Variants in DLGAP1 observed in about 807,000 individuals in gnomAD.
The protein encoded by DLGAP1 is DLG associated protein 1, also known as disks large-associated protein 1.
A neutral mutation model predicts 90.8 loss-of-function variants in DLGAP1; 11 were observed. The observed-to-expected ratio is 0.12, with a 90% confidence interval of 0.08 to 0.20. The LOEUF is 0.20. Ranked by LOEUF, DLGAP1 falls within the 10% of genes least tolerant of loss-of-function variation. The probability of loss-of-function intolerance (pLI) is 1.00; values close to 1 mark genes in which losing one functional copy is unlikely to be tolerated. For missense variants in DLGAP1, 1,050 were observed against 1,333.8 expected, an observed-to-expected ratio of 0.79 and a Z score of 3.31; for synonymous variants, 558 against 540.7, an observed-to-expected ratio of 1.03 and a Z score of -0.44.
chr18:3,716,345 G>A (rs2061759384), intron 7 of DLGAP1, among the ~76,000 whole-genome samples: 1 of 152,068 alleles, frequency 6.6e-6, no homozygotes, highest in Non-Finnish European at 1.5e-5. Context: ...GACCAGCCTG[G>A]GCAATATAGT....
At chr18:3,945,071 T>C (rs1401364430) in intron 3 of DLGAP1, among the ~76,000 whole-genome samples, 1 of 152,236 alleles carries the variant, frequency 6.6e-6, no homozygotes, top group African/African-American at 2.4e-5. Flanking sequence ...AGCCAGGTTC[T>C]GGGGCCAGAT....
At position 3,833,240 on chromosome 18, in the gene DLGAP1, C is replaced by CCTTCCTT. The variant is rs1568210956; in HGVS notation, c.958-18968_958-18967insAAGGAAG. ...TTCCTTCCTTCCTTCCTTCCTTCCTCCTTGTTTTTTTTTGACAGGGTCTCA... is the reference window on the plus strand; with the variant it reads ...TTCCTTCCTTCCTTCCTTCCTTCCTCCTTCCTTCTTGTTTTTTTTTGACAGGGTCTCA... On this transcript the variant is annotated intron_variant, in intron 4 of 12. Transcript: ENST00000315677. 2.5e-4 allele frequency among the ~76,000 whole-genome samples: 33 copies of CCTTCCTT among 130,104 alleles called. 3 individuals carry two copies. The highest frequency in any genetic ancestry group is 4.0e-4 in the Non-Finnish European group (25 of 62,218). The allele number at this position is 130,104 out of a possible 152,430, so 85.4% of individuals were successfully genotyped here.
At chr18:4,239,045 C>T (rs1453925567) in intron 1 of DLGAP1, among the ~76,000 whole-genome samples, 2 of 152,154 alleles carry the variant, frequency 1.3e-5, no homozygotes, top group Admixed American at 6.5e-5. Flanking sequence ...TCAAAGTGGG[C>T]CACTATGTGA....
intron 4 of DLGAP1, among the ~76,000 whole-genome samples, chr18:3,815,341 G>C (rs1342877057): frequency 6.6e-6 from 1 of 152,126 alleles, no homozygotes; most frequent in Non-Finnish European, 1.5e-5. Context: ...CTCTCTAAAG[G>C]TTTCCAATGA....
intron 10 of DLGAP1, among the ~76,000 whole-genome samples, chr18:3,518,123 G>A (rs1257273817): frequency 6.6e-6 from 1 of 152,076 alleles, no homozygotes; most frequent in African/African-American, 2.4e-5. Flanking sequence ...GATTAAAAGT[G>A]ACAGATTGTA....
At chr18:4,395,707 T>C (rs1227651402) in intron 1 of DLGAP1, among the ~76,000 whole-genome samples, 1 of 152,252 alleles carries the variant, frequency 6.6e-6, no homozygotes, top group Non-Finnish European at 1.5e-5. Flanking sequence ...CAAGCGTTTA[T>C]AACAGAATCT....
chr18:3,996,165 C>CT (rs1383626858), intron 3 of DLGAP1, among the ~76,000 whole-genome samples: 1 of 152,014 alleles, frequency 6.6e-6, no homozygotes, highest in Non-Finnish European at 1.5e-5. Flanking sequence ...TTTTACATAT[C>CT]TAAGTGGCTT....
intron 1 of DLGAP1, among the ~76,000 whole-genome samples, chr18:4,182,554 A>G (rs1041086824): frequency 6.6e-6 from 1 of 152,052 alleles, no homozygotes; most frequent in African/African-American, 2.4e-5. Context: ...AAGATCCCAC[A>G]TAAGTTGGAA....
At chr18:3,977,843 G>A (rs370112165) in intron 3 of DLGAP1, 5 of 391,558 alleles carry the variant, frequency 1.3e-5, no homozygotes, top group African/African-American at 6.3e-5. Context: ...ATGCCCTCAA[G>A]GGTCCCCTCT....
intron 4 of DLGAP1, among the ~76,000 whole-genome samples, chr18:3,843,101 G>A (rs541024651): frequency 4.6e-5 from 7 of 152,290 alleles, no homozygotes; most frequent in African/African-American, 1.7e-4. Context: ...GCTGGTACCT[G>A]CTCTGTGGCC....
At chr18:4,181,825 G>C (rs766259416) in intron 1 of DLGAP1, among the ~76,000 whole-genome samples, 2 of 152,034 alleles carry the variant, frequency 1.3e-5, no homozygotes, top group African/African-American at 4.8e-5. Flanking sequence ...TCCAAAAAAA[G>C]AAATTAGGGG....
chr18:3,987,277 CT>C (rs1324614718), intron 3 of DLGAP1, among the ~76,000 whole-genome samples: 2 of 152,176 alleles, frequency 1.3e-5, no homozygotes. Context: ...AGCAGCTCCT[CT>C]TCCAGGCCTA....
rs35117188 is a variant in DLGAP1, at chr18:3,824,825, C to T, written c.958-10552G>A. Among the ~76,000 whole-genome samples, 815 of 152,262 alleles carry T rather than the reference C, an allele frequency of 5.4e-3. 7 individuals are homozygous for T. The highest frequency in any genetic ancestry group is 9.1e-3 in the Non-Finnish European group (617 of 68,014). ...CACCTGAAAGCATACGGCATTCAAA[C>T]GGGCCAAAATAATCTTTCCTTCCTG... On this transcript the variant is annotated intron_variant, in intron 4 of 12. Coordinates refer to ENST00000315677, the MANE Select transcript of DLGAP1 (RefSeq NM_004746.4).
chr18:3,640,318 A>G (rs930309763), intron 7 of DLGAP1, among the ~76,000 whole-genome samples: 5 of 152,184 alleles, frequency 3.3e-5, no homozygotes, highest in African/African-American at 4.8e-5. Context: ...AGCCCAAGCA[A>G]CAGAGAATGG....
intron 5 of DLGAP1, among the ~76,000 whole-genome samples, chr18:3,785,614 G>A (rs1432209004): frequency 6.6e-6 from 1 of 152,162 alleles, no homozygotes; most frequent in Non-Finnish European, 1.5e-5. Flanking sequence ...AAATTAACTT[G>A]TAAATGGAAT....
chr18:3,637,688 A>G (rs1425808451), intron 7 of DLGAP1, among the ~76,000 whole-genome samples: 1 of 151,946 alleles, frequency 6.6e-6, no homozygotes, highest in East Asian at 1.9e-4. Context: ...TCGAGGCTTC[A>G]ATGAGCCATG....
At chr18:4,147,359 C>T (rs774287257) in intron 2 of DLGAP1, among the ~76,000 whole-genome samples, 12 of 152,094 alleles carry the variant, frequency 7.9e-5, no homozygotes, top group Non-Finnish European at 1.3e-4. Context: ...GCACAATACC[C>T]GGATATTGAT....
chr18:4,115,497 T>C (rs2076048185), intron 2 of DLGAP1, among the ~76,000 whole-genome samples: 1 of 140,614 alleles, frequency 7.1e-6, no homozygotes, highest in Admixed American at 6.7e-5. Context: ...TTTCTTTCTT[T>C]TTTTTTGAGA....
intron 7 of DLGAP1, among the ~76,000 whole-genome samples, chr18:3,700,901 G>A (rs1037609995): frequency 6.7e-6 from 1 of 150,132 alleles, no homozygotes; most frequent in Non-Finnish European, 1.5e-5. Flanking sequence ...GAGCCATCAC[G>A]CCCAGCCGAC....
Sources: allele counts gnomAD v4.1 joint callset (sites outside exome capture counted in the v4.1 genomes callset), GRCh38; gene constraint gnomAD v4.1.1; transcripts MANE v1.5; gene names NCBI Gene and HGNC (gene_info 2026-07-23, HGNC 2026-07-21).